The following GREB1 variants were observed in gnomAD, a reference collection of about 807,000 sequenced individuals.
GREB1 encodes growth regulating estrogen receptor binding 1.
Under a neutral mutation model 200.7 loss-of-function variants are expected in GREB1, and 106 were observed. The ratio of observed to expected loss-of-function variants is 0.53; its 90% confidence interval spans 0.45 to 0.62. The LOEUF (loss-of-function observed/expected upper bound fraction) is 0.62. Among genes scored for constraint, GREB1 ranks in the 20% least tolerant of loss-of-function variants. The pLI is 0.00. For missense variants in GREB1, 2,243 were observed against 2,556.8 expected (o/e 0.88, Z 2.65); for synonymous variants, 1,132 against 1,092.4 (o/e 1.04, Z -0.72).
intron 1 of GREB1, among the ~76,000 whole-genome samples, chr2:11,485,282 T>A (rs1278993869): frequency 1.1e-4 from 16 of 149,798 alleles, no homozygotes; most frequent in African/African-American, 3.9e-4. Context: ...TGTATTTTTT[T>A]TTTTTTTTGA....
At chr2:11,620,684 T>C (rs1258815369) in intron 22 of GREB1, among the ~76,000 whole-genome samples, 1 of 152,222 alleles carries the variant, frequency 6.6e-6, no homozygotes, top group Non-Finnish European at 1.5e-5. Flanking sequence ...GAGATGCGTG[T>C]GCGACGATAT....
At chr2:11,489,744 T>G (rs1017862945) in intron 1 of GREB1, among the ~76,000 whole-genome samples, 2 of 152,078 alleles carry the variant, frequency 1.3e-5, no homozygotes, top group Non-Finnish European at 2.9e-5. Context: ...ATTACTATTA[T>G]AGCCACCACT....
rs759142846 is a variant in GREB1, at chr2:11,596,195, C to T, written c.1910C>T (p.Thr637Ile). The change falls in exon 13 of 33, where the codon ACT becomes ATT. Residue 637 changes from threonine (T) to isoleucine (I), a missense_variant. Coordinates refer to ENST00000381486, the MANE Select transcript of GREB1 (RefSeq NM_014668.4). Reference sequence around the variant, plus strand: ...TCCTCACTCGCTGCCTCTTCTGTCACTAAAGCAGCATCCCTGGATGTCAGT... The same window carrying T: ...TCCTCACTCGCTGCCTCTTCTGTCATTAAAGCAGCATCCCTGGATGTCAGT... ...ISSSLAASSV[T>I]KAASLDVSGT... The T allele has an allele frequency of 3.7e-6, 6 of 1,613,672 alleles. No homozygotes were observed. The highest frequency in any genetic ancestry group is 4.2e-6 in the Non-Finnish European group (5 of 1,179,572).
At chr2:11,502,887 G>T (rs1209523111) in intron 1 of GREB1, among the ~76,000 whole-genome samples, 1 of 152,116 alleles carries the variant, frequency 6.6e-6, no homozygotes, top group Non-Finnish European at 1.5e-5. Flanking sequence ...AGGAATGGGA[G>T]CTTAGAAAGC....
chr2:11,592,408 A>G (rs1000269923), intron 10 of GREB1, among the ~76,000 whole-genome samples: 3 of 137,118 alleles, frequency 2.2e-5, no homozygotes, highest in Non-Finnish European at 4.9e-5. Context: ...CTACTTTGTC[A>G]TTGAAAATTG....
At chr2:11,602,949 C>A (rs535464320) in intron 17 of GREB1, among the ~76,000 whole-genome samples, 1 of 152,178 alleles carries the variant, frequency 6.6e-6, no homozygotes, top group Non-Finnish European at 1.5e-5. Context: ...CTTCCATGGA[C>A]TTTACTTTCA....
chr2:11,621,916 T>C (rs1187031781), intron 23 of GREB1, among the ~76,000 whole-genome samples: 2 of 152,270 alleles, frequency 1.3e-5, no homozygotes, highest in Non-Finnish European at 2.9e-5. Flanking sequence ...GCAGCCCTGC[T>C]GAATTTGTCT....
chr2:11,595,480 G>C (rs956348434), intron 12 of GREB1, 101 bp downstream of exon 12: 4 of 1,269,898 alleles, frequency 3.1e-6, no homozygotes, highest in Admixed American at 3.8e-5. Flanking sequence ...GACCTGCTAA[G>C]GCTGGCCTCC....
chr2:11,538,990 T>TCTTCTCCTCC (rs757126005), intron 1 of GREB1, among the ~76,000 whole-genome samples: 3,495 of 102,854 alleles, frequency 0.034, 350 homozygotes, highest in Non-Finnish European at 0.04. Flanking sequence ...TCCTCTCCTC[T>TCTTCTCCTCC]CTTCTCCTCC....
intron 24 of GREB1, among the ~76,000 whole-genome samples, chr2:11,625,641 G>A (rs1041067154): frequency 2.0e-5 from 3 of 152,176 alleles, no homozygotes; most frequent in Non-Finnish European, 4.4e-5. Context: ...ACGAGTACAC[G>A]TGTTCACCTC....
chr2:11,552,873 G>A lies in GREB1; in HGVS notation c.-161-3581G>A, dbSNP rs530435302. Among the ~76,000 whole-genome samples, 17 of 152,122 alleles carry A rather than the reference G, an allele frequency of 1.1e-4. 1 individual carries two copies. Among genetic ancestry groups the A allele is most frequent in the East Asian group, 9.7e-4 (5 of 5,156 alleles). On this transcript the variant is annotated intron_variant, in intron 1 of 32. Transcript: ENST00000381486. ...AAAAATACAAAAATTAGCCGGGCAT[G>A]GTGGCGCACGCCTGTAGTCCCAGCT...
In GREB1 at chr2:11,612,842, C is replaced by T. The variant is rs144147321; in HGVS notation, c.3122+232C>T. ...AAGGCGCTGTTTGGGCTCGTGGTGACGGCTGTTGCCAGGCTCTACGGGTGG... is the reference window on the plus strand; with the variant it reads ...AAGGCGCTGTTTGGGCTCGTGGTGATGGCTGTTGCCAGGCTCTACGGGTGG... On this transcript the variant is annotated intron_variant, in intron 19 of 32. Transcript: ENST00000381486. Among the ~76,000 whole-genome samples the T allele has an allele frequency of 1.1e-3, 171 of 152,344 alleles. 1 individual carries two copies. Among genetic ancestry groups the T allele is most frequent in the African/African-American group, 3.6e-3 (148 of 41,578 alleles).
chr2:11,597,642 G>A lies in GREB1; in HGVS notation c.1955-139G>A, dbSNP rs1204061558. On this transcript the variant is annotated intron_variant, in intron 13 of 32. Coordinates refer to ENST00000381486, the MANE Select transcript of GREB1 (RefSeq NM_014668.4). The surrounding 1 kb of genome is among the most constrained non-coding windows in gnomAD (Gnocchi z 4.1). Reference sequence around the variant, plus strand: ...AGCTGAGAGCAGGGACTTGATAAACGTGAGTTATTCCCCTTTCCCTCATCG... The same window carrying A: ...AGCTGAGAGCAGGGACTTGATAAACATGAGTTATTCCCCTTTCCCTCATCG... 5 of 720,012 alleles carry A rather than the reference G, an allele frequency of 6.9e-6. No homozygotes were observed. Among genetic ancestry groups the A allele is most frequent in the Non-Finnish European group, 9.7e-6 (4 of 410,874 alleles). The allele number at this position is 720,012 out of a possible 1,614,324, so 44.6% of individuals were successfully genotyped here.
intron 26 of GREB1, among the ~76,000 whole-genome samples, chr2:11,630,614 TCTC>T (rs1409605753): frequency 6.6e-6 from 1 of 152,154 alleles, no homozygotes; most frequent in Non-Finnish European, 1.5e-5. Flanking sequence ...TCCGTCCCTC[TCTC>T]CTCTTCTGCC....
Position 11,600,864 on chromosome 2 carries a change from A to G in GREB1, c.2398A>G (p.Asn800Asp), listed in dbSNP as rs1396720899. Reference protein sequence around the residue: ...PSVGLVDRLLNCREVKEAPNI... With the variant: ...PSVGLVDRLLDCREVKEAPNI... ...GGTGGGATTGGTGGACCGATTGCTC[A>G]ACTGCAGGGAGGTGAAGGAGGCCCC... is the stretch of plus-strand genomic sequence containing the variant. The change falls in exon 16 of 33, where the codon AAC becomes GAC. Residue 800 changes from asparagine (N) to aspartate (D), a missense_variant. Physicochemically the swap from Asn to Asp is conservative, Grantham distance 23. Transcript: ENST00000381486. 6.2e-7 allele frequency: 1 copy of G among 1,614,020 alleles called. No individual in the cohort carries two copies. The highest frequency in any genetic ancestry group is 1.3e-5 in the African/African-American group (1 of 74,930).
At chr2:11,588,077 T>G in intron 9 of GREB1, 3 of 535,008 alleles carry the variant, frequency 5.6e-6, no homozygotes, top group Non-Finnish European at 4.8e-6. Flanking sequence ...AATACAAAAA[T>G]TGGCCGGGTG....
intron 1 of GREB1, among the ~76,000 whole-genome samples, chr2:11,499,124 G>A (rs921132728): frequency 1.3e-5 from 2 of 152,116 alleles, no homozygotes; most frequent in African/African-American, 4.8e-5. Flanking sequence ...TGTCTTTTTT[G>A]TTTATTTCAT....
intron 4 of GREB1, among the ~76,000 whole-genome samples, chr2:11,569,653 T>G (rs1678059998): frequency 6.6e-6 from 1 of 152,190 alleles, no homozygotes; most frequent in Admixed American, 6.5e-5. Context: ...GCCAATGCAG[T>G]GGGTCTATTA....
chr2:11,514,654 G>C (rs572916426), intron 1 of GREB1, among the ~76,000 whole-genome samples: 15 of 152,212 alleles, frequency 9.9e-5, no homozygotes, highest in Non-Finnish European at 1.8e-4. Context: ...CTGCAGGTTT[G>C]GGAAGGCACA....
Sources: gnomAD v4.1 joint callset for allele counts (sites outside exome capture counted in the v4.1 genomes callset) on GRCh38, gnomAD v4.1.1 for gene constraint, Gnocchi (gnomAD v3.1) non-coding constraint, MANE v1.5 for transcripts, NCBI Gene and HGNC (gene_info 2026-07-23, HGNC 2026-07-21) for gene names.